The following CDH20 variants were observed in gnomAD, a reference collection of about 807,000 sequenced individuals.
CDH20 encodes the protein cadherin-20.
A neutral mutation model predicts 74.2 loss-of-function variants in CDH20; 29 were observed. The observed-to-expected ratio is 0.39, with a 90% CI of 0.29 to 0.53. The LOEUF is 0.53. Ranked by LOEUF, CDH20 falls within the 20% of genes least tolerant of loss-of-function variation. The pLI is 0.69. For missense variants in CDH20, 988 were observed against 1,048.3 expected, an observed-to-expected ratio of 0.94 and a Z score of 0.79; for synonymous variants, 469 against 405.4, an observed-to-expected ratio of 1.16 and a Z score of -1.88.
intron 1 of CDH20, among the ~76,000 whole-genome samples, chr18:61,388,720 C>T (rs1243566574): frequency 6.6e-6 from 1 of 152,090 alleles, no homozygotes; most frequent in African/African-American, 2.4e-5. Context: ...AACAGTAATA[C>T]AAGTTAGAAA....
intron 6 of CDH20, among the ~76,000 whole-genome samples, chr18:61,512,926 T>C (rs1013534006): frequency 2.0e-5 from 3 of 152,222 alleles, no homozygotes; most frequent in Non-Finnish European, 4.4e-5. Context: ...CGGCCAACTA[T>C]GTGGTCAATT....
intron 8 of CDH20, among the ~76,000 whole-genome samples, chr18:61,538,480 C>T (rs1451099593): frequency 2.6e-5 from 4 of 152,024 alleles, no homozygotes; most frequent in Non-Finnish European, 5.9e-5. Context: ...TGTCCGGCCA[C>T]ACTCTTAGTA....
chr18:61,531,607 T>C (rs1912643258), intron 7 of CDH20, among the ~76,000 whole-genome samples: 1 of 152,230 alleles, frequency 6.6e-6, no homozygotes, highest in African/African-American at 2.4e-5. Context: ...TGTTTTTCTT[T>C]ATTAAAAAGG....
intron 1 of CDH20, among the ~76,000 whole-genome samples, chr18:61,393,727 C>T (rs113322700): frequency 4.6e-5 from 7 of 152,150 alleles, no homozygotes; most frequent in African/African-American, 1.2e-4. Context: ...TGCTACTTCA[C>T]GTTCATAAGT....
rs1910369345 is a variant in CDH20 at position 61,353,216 on chromosome 18, C to T, written c.-153+19389C>T. Among the ~76,000 whole-genome samples the T allele has an allele frequency of 6.6e-6, 1 of 152,150 alleles. No homozygotes were observed. The highest frequency in any genetic ancestry group is 1.5e-5 in the Non-Finnish European group (1 of 68,032). The stretch of plus-strand genomic sequence containing the variant: ...ACAAAGCTCAGAGTTTTTAGCGTGG[C>T]ATTAGTTTCTCCACCATCTACATCC... On this transcript the variant is annotated intron_variant, in intron 1 of 11. Transcript: ENST00000262717. The surrounding 1 kb of genome is among the most constrained non-coding windows in gnomAD (Gnocchi z 4.6).
intron 6 of CDH20, among the ~76,000 whole-genome samples, chr18:61,518,192 G>A (rs1433699989): frequency 1.3e-5 from 2 of 152,106 alleles, no homozygotes; most frequent in African/African-American, 2.4e-5. Flanking sequence ...TGTGGGCACA[G>A]CTTCAGCAGA....
Position 61,470,265 on chromosome 18 carries a change from G to A in CDH20, c.-152-20137G>A, listed in dbSNP as rs147900540. On this transcript the variant is annotated intron_variant, in intron 1 of 11. Coordinates refer to ENST00000262717, the MANE Select transcript of CDH20 (RefSeq NM_031891.4). ...ATCATCCCTGTACACAACCTATCCC[G>A]TGACTGTTTGCAACAAGACTGGGCA... Among the ~76,000 whole-genome samples, 205 of 152,270 alleles carry A rather than the reference G, an allele frequency of 1.3e-3. 1 individual carries two copies. The highest frequency in any genetic ancestry group is 4.7e-3 in the African/African-American group (194 of 41,560).
At chr18:61,384,162 G>T (rs1911522624) in intron 1 of CDH20, among the ~76,000 whole-genome samples, 2 of 152,114 alleles carry the variant, frequency 1.3e-5, no homozygotes, top group Non-Finnish European at 1.5e-5. Flanking sequence ...AGGCTACCAG[G>T]TATCTTCACA....
chr18:61,389,218 TA>T (rs1162421331), intron 1 of CDH20, among the ~76,000 whole-genome samples: 1 of 152,200 alleles, frequency 6.6e-6, no homozygotes, highest in African/African-American at 2.4e-5. Context: ...TCCAATGGTT[TA>T]AAAGGATTGA....
chr18:61,454,733 T>G (rs1447201675), intron 1 of CDH20, among the ~76,000 whole-genome samples: 1 of 149,266 alleles, frequency 6.7e-6, no homozygotes, highest in Non-Finnish European at 1.5e-5. Context: ...CCAATCATCT[T>G]ATATATAGTT....
chr18:61,483,847 A>C (rs2144283420), intron 1 of CDH20, among the ~76,000 whole-genome samples: 1 of 152,356 alleles, frequency 6.6e-6, no homozygotes. Flanking sequence ...ACATAAAGAG[A>C]TGAAGTCACT....
At chr18:61,426,800 C>T (rs1444272009) in intron 1 of CDH20, among the ~76,000 whole-genome samples, 34 of 152,186 alleles carry the variant, frequency 2.2e-4, no homozygotes, top group Non-Finnish European at 7.3e-5. Context: ...TGGGACACGT[C>T]CTCGTGGTTT....
In CDH20 at chr18:61,528,008, G is replaced by A. The variant is rs1238231831; in HGVS notation, c.1059G>A (p.Val353=). ...FESKKSYTLK[V]EGANPHLEMR... is the part of the protein sequence containing the mutation. ...GCAAGAAAAGCTACACCTTAAAGGTGGAGGGAGCCAATCCTCACCTAGAGA... is the reference window on the plus strand; with the variant it reads ...GCAAGAAAAGCTACACCTTAAAGGTAGAGGGAGCCAATCCTCACCTAGAGA... The change falls in exon 7 of 12, where the codon GTG becomes GTA. Residue 353 remains valine (V), a synonymous_variant. Transcript: ENST00000262717. The A allele has an allele frequency of 1.6e-5, 26 of 1,613,962 alleles. No individual in the cohort carries two copies. Among genetic ancestry groups the A allele is most frequent in the Non-Finnish European group, 2.1e-5 (25 of 1,179,958 alleles).
intron 1 of CDH20, among the ~76,000 whole-genome samples, chr18:61,463,356 G>A (rs1342297864): frequency 3.3e-5 from 5 of 152,146 alleles, no homozygotes; most frequent in African/African-American, 1.2e-4. Context: ...TTGGTGGTCT[G>A]TGTGAATCTC....
At chr18:61,425,317 A>G (rs1294354239) in intron 1 of CDH20, among the ~76,000 whole-genome samples, 2 of 152,206 alleles carry the variant, frequency 1.3e-5, no homozygotes, top group Admixed American at 1.3e-4. Context: ...ACTTCCAGTA[A>G]TGACCATCAC....
chr18:61,440,287 G>T (rs1908985297), intron 1 of CDH20, among the ~76,000 whole-genome samples: 1 of 152,078 alleles, frequency 6.6e-6, no homozygotes, highest in Admixed American at 6.6e-5. Flanking sequence ...CTTGACTCTG[G>T]TGTTTCTGCT....
intron 9 of CDH20, among the ~76,000 whole-genome samples, chr18:61,543,917 C>A (rs1481541471): frequency 6.6e-6 from 1 of 152,210 alleles, no homozygotes; most frequent in Non-Finnish European, 1.5e-5. Flanking sequence ...TGGGGTCAAG[C>A]AGGACTTTGT....
intron 2 of CDH20, among the ~76,000 whole-genome samples, chr18:61,492,413 C>T (rs1910990817): frequency 6.6e-6 from 1 of 152,162 alleles, no homozygotes; most frequent in Non-Finnish European, 1.5e-5. Flanking sequence ...CTGTTCTCCA[C>T]CATGGTCTTT....
At chr18:61,419,215 C>T (rs1912796252) in intron 1 of CDH20, among the ~76,000 whole-genome samples, 1 of 152,066 alleles carries the variant, frequency 6.6e-6, no homozygotes, top group African/African-American at 2.4e-5. Context: ...CAGGTATGCA[C>T]TCCCATGGCC....
Sources: gnomAD v4.1 joint callset for allele counts (sites outside exome capture counted in the v4.1 genomes callset) on GRCh38, gnomAD v4.1.1 for gene constraint, Gnocchi (gnomAD v3.1) non-coding constraint, MANE v1.5 for transcripts, NCBI Gene and HGNC (gene_info 2026-07-23, HGNC 2026-07-21) for gene names.